Variants in SGCD observed in about 807,000 individuals in gnomAD.
The protein encoded by SGCD is delta-sarcoglycan.
A neutral mutation model predicts 36.6 loss-of-function variants in SGCD; 18 were observed. The observed-to-expected ratio is 0.49, with a 90% CI of 0.34 to 0.73. SGCD has a LOEUF of 0.73. Ranked by LOEUF, SGCD falls within the 30% of genes least tolerant of loss-of-function variation. SGCD has a pLI of 0.01. For synonymous variants in SGCD, 133 were observed against 130.6 expected (o/e 1.02, Z -0.12); for missense variants, 387 against 346.7 (o/e 1.12, Z -0.92).
At chr5:155,861,838 C>T in the SGCD span, among the ~76,000 whole-genome samples, 4 of 152,116 alleles carry the variant, frequency 2.6e-5, no homozygotes, top group Non-Finnish European at 5.9e-5. Context: ...AAGATTTTAC[C>T]GGGAGTGAGG....
chr5:156,508,685 G>C lies in SGCD; in HGVS notation c.277G>C (p.Glu93Gln). The C allele has an allele frequency of 1.9e-6, 3 of 1,602,100 alleles. No individual in the cohort carries two copies. The highest frequency in any genetic ancestry group is 2.6e-6 in the Non-Finnish European group (3 of 1,171,606). The change falls in exon 4 of 9, where the codon GAA becomes CAA. Residue 93 changes from glutamate to glutamine, a missense_variant. By Grantham distance (29) the Glu-to-Gln change is conservative. Transcript: ENST00000337851. The stretch of plus-strand genomic sequence containing the variant: ...ATTCTTACAACCTCTCTACGCCAAA[G>C]AAATCCAGTCCCGACCAGTAAGTTT... ...SEFLQPLYAK[E>Q]IQSRPGNALY...
upstream of SGCD, among the ~76,000 whole-genome samples, chr5:155,869,298 A>G: frequency 6.6e-6 from 1 of 152,184 alleles, no homozygotes; most frequent in Non-Finnish European, 1.5e-5. Flanking sequence ...TATTTAGCAA[A>G]GGTTCAAAGA....
intron 3 of SGCD, among the ~76,000 whole-genome samples, chr5:156,367,026 GCCAA>G (rs1770143700): frequency 6.6e-6 from 1 of 152,126 alleles, no homozygotes; most frequent in African/African-American, 2.4e-5. Flanking sequence ...GTTTGTGCCA[GCCAA>G]CTAATAGCTA....
At chr5:156,237,910 G>A (rs2127654603) in intron 3 of SGCD, among the ~76,000 whole-genome samples, 2 of 151,860 alleles carry the variant, frequency 1.3e-5, no homozygotes, top group Middle Eastern at 6.8e-3. Flanking sequence ...AAACAATACA[G>A]TTCCCAAGGC....
At chr5:156,092,837 A>G (rs991399636) in intron 1 of SGCD, among the ~76,000 whole-genome samples, 2 of 152,192 alleles carry the variant, frequency 1.3e-5, no homozygotes. Context: ...CAGGCCTCCC[A>G]GTTTTCACTC....
At chr5:156,556,472 C>T (rs1259428140) in intron 4 of SGCD, among the ~76,000 whole-genome samples, 1 of 152,146 alleles carries the variant, frequency 6.6e-6, no homozygotes, top group African/African-American at 2.4e-5. Flanking sequence ...CAACAGATCT[C>T]TAATGCATGT....
intron 1 of SGCD, among the ~76,000 whole-genome samples, chr5:156,328,665 T>C (rs1767924157): frequency 6.6e-6 from 1 of 152,000 alleles, no homozygotes; most frequent in Non-Finnish European, 1.5e-5. Context: ...CCAAGTGTTG[T>C]ACTTGGAGGA....
chr5:156,683,018 G>A (rs1030044661), intron 7 of SGCD, among the ~76,000 whole-genome samples: 2 of 152,160 alleles, frequency 1.3e-5, no homozygotes, highest in Non-Finnish European at 2.9e-5. Context: ...ACATTACAGT[G>A]AAACAGGTAA....
intron 1 of SGCD, among the ~76,000 whole-genome samples, chr5:156,004,579 T>A (rs1758722519): frequency 6.6e-6 from 1 of 152,184 alleles, no homozygotes; most frequent in African/African-American, 2.4e-5. Flanking sequence ...CACACCCGGA[T>A]CAGCTTCACT....
At chr5:155,774,718 G>A in the SGCD span, among the ~76,000 whole-genome samples, 2 of 152,150 alleles carry the variant, frequency 1.3e-5, no homozygotes, top group South Asian at 4.2e-4. Context: ...GGCACTCTTG[G>A]GATGATACCA....
upstream of SGCD, chr5:156,326,699 C>T (rs1767825445): frequency 6.6e-6 from 1 of 152,434 alleles, no homozygotes; most frequent in African/African-American, 2.4e-5. Context: ...TGACAGGGGT[C>T]AGCTGGGGAC....
At chr5:155,952,062 C>T (rs1193278610) in intron 1 of SGCD, among the ~76,000 whole-genome samples, 2 of 152,092 alleles carry the variant, frequency 1.3e-5, no homozygotes, top group East Asian at 3.9e-4. Flanking sequence ...TTCTTGTCTC[C>T]TTGATGGTAA....
chr5:156,190,983 A>G (rs1409423219), intron 3 of SGCD, among the ~76,000 whole-genome samples: 1 of 152,150 alleles, frequency 6.6e-6, no homozygotes, highest in African/African-American at 2.4e-5. Context: ...ATAAAAGTTC[A>G]TTGATATTCA....
At chr5:155,791,703 G>A in the SGCD span, among the ~76,000 whole-genome samples, 2 of 152,140 alleles carry the variant, frequency 1.3e-5, no homozygotes, top group South Asian at 4.1e-4. Context: ...TCTAACCAAG[G>A]AGATAAGAGA....
chr5:156,632,533 T>G (rs547080536), intron 6 of SGCD, among the ~76,000 whole-genome samples: 2 of 152,204 alleles, frequency 1.3e-5, no homozygotes, highest in South Asian at 2.1e-4. Context: ...TGAAGCTTTA[T>G]TTTTTATTGA....
intron 1 of SGCD, among the ~76,000 whole-genome samples, chr5:155,946,727 G>A (rs1379281049): frequency 1.3e-5 from 2 of 152,170 alleles, no homozygotes; most frequent in East Asian, 1.9e-4. Context: ...CACTAAACTA[G>A]TTATAGCATA....
intron 3 of SGCD, among the ~76,000 whole-genome samples, chr5:156,184,512 T>C (rs1248127239): frequency 1.3e-5 from 2 of 152,194 alleles, no homozygotes; most frequent in Non-Finnish European, 2.9e-5. Flanking sequence ...CTCCTGATAT[T>C]GCAATATGCC....
chr5:156,738,937 C>T (rs1458125719), intron 7 of SGCD, among the ~76,000 whole-genome samples: 1 of 152,186 alleles, frequency 6.6e-6, no homozygotes, highest in East Asian at 1.9e-4. Context: ...GGCTCAAAAT[C>T]CTGAGTCTGA....
intron 1 of SGCD, among the ~76,000 whole-genome samples, chr5:155,908,977 C>G (rs1756578151): frequency 6.6e-6 from 1 of 152,088 alleles, no homozygotes; most frequent in Non-Finnish European, 1.5e-5. Context: ...GACATATGTC[C>G]TGCTGATGAT....
Sources: allele counts gnomAD v4.1 joint callset (sites outside exome capture counted in the v4.1 genomes callset), GRCh38; gene constraint gnomAD v4.1.1; transcripts MANE v1.5; gene names NCBI Gene and HGNC (gene_info 2026-07-23, HGNC 2026-07-21).